The following SGCZ variants were observed in gnomAD, a reference collection of about 807,000 sequenced individuals.
SGCZ encodes sarcoglycan zeta, also known as zeta-sarcoglycan.
SGCZ carries 40 observed loss-of-function variants against 41.3 expected under a neutral mutation model. The observed-to-expected ratio is 0.97, with a 90% confidence interval of 0.75 to 1.26. SGCZ has a LOEUF of 1.26. SGCZ is among the 50% of genes most tolerant of loss of function. The pLI is 0.00. For missense variants in SGCZ, 552 were observed against 369.8 expected (o/e 1.49, Z -4.04); for synonymous variants, 206 against 137.5 (o/e 1.50, Z -3.49).
chr8:15,213,634 A>C (rs1013061265), intron 1 of SGCZ, among the ~76,000 whole-genome samples: 2 of 151,938 alleles, frequency 1.3e-5, no homozygotes, highest in East Asian at 3.9e-4. Context: ...TAGATTTATA[A>C]ATTTAATGAA....
intron 2 of SGCZ, among the ~76,000 whole-genome samples, chr8:14,475,865 T>A (rs945983963): frequency 6.6e-6 from 1 of 152,318 alleles, no homozygotes; most frequent in Non-Finnish European, 1.5e-5. Flanking sequence ...AGACAGGGTC[T>A]GTCTGTGTCA....
At chr8:14,435,993 G>C (rs1276906902) in intron 2 of SGCZ, among the ~76,000 whole-genome samples, 1 of 152,072 alleles carries the variant, frequency 6.6e-6, no homozygotes, top group Admixed American at 6.6e-5. Flanking sequence ...GCTAGGTATG[G>C]GGAAACATAA....
chr8:15,061,537 A>AAG (rs1554548949), intron 1 of SGCZ, among the ~76,000 whole-genome samples: 1 of 151,602 alleles, frequency 6.6e-6, no homozygotes, highest in Non-Finnish European at 1.5e-5. Context: ...ATATAAAAAA[A>AAG]AAAAACAGGA....
chr8:14,352,544 G>A (rs1464759823), intron 2 of SGCZ, among the ~76,000 whole-genome samples: 3 of 152,074 alleles, frequency 2.0e-5, no homozygotes, highest in Non-Finnish European at 4.4e-5. Flanking sequence ...AATATTACCA[G>A]GTGCAAAAGA....
intron 1 of SGCZ, chr8:14,853,436 T>A (rs1228394386): frequency 1.9e-6 from 1 of 532,192 alleles, no homozygotes; most frequent in Non-Finnish European, 3.9e-6. Flanking sequence ...CTAGGACACT[T>A]GCTCTTTCTG....
At chr8:15,001,511 C>G (rs111977207) in intron 1 of SGCZ, among the ~76,000 whole-genome samples, 96 of 152,092 alleles carry the variant, frequency 6.3e-4, no homozygotes, top group African/African-American at 2.1e-3. Flanking sequence ...GGGCGGATCA[C>G]GAGGTCAGGA....
intron 1 of SGCZ, among the ~76,000 whole-genome samples, chr8:14,926,328 C>G (rs1799748944): frequency 6.6e-6 from 1 of 152,076 alleles, no homozygotes; most frequent in Non-Finnish European, 1.5e-5. Flanking sequence ...ATTGTTATAT[C>G]TAATCTAGGT....
chr8:14,721,576 T>C (rs946672894), intron 1 of SGCZ, among the ~76,000 whole-genome samples: 2 of 152,108 alleles, frequency 1.3e-5, no homozygotes, highest in East Asian at 3.9e-4. Context: ...TCCGTCTACT[T>C]CTCACCACCT....
At chr8:14,569,390 A>C (rs1804481569) in intron 1 of SGCZ, among the ~76,000 whole-genome samples, 1 of 152,216 alleles carries the variant, frequency 6.6e-6, no homozygotes, top group Non-Finnish European at 1.5e-5. Flanking sequence ...TTATACCAAA[A>C]TAATTTTACA....
At chr8:14,186,796 G>A (rs960884261) in intron 4 of SGCZ, among the ~76,000 whole-genome samples, 6 of 152,178 alleles carry the variant, frequency 3.9e-5, no homozygotes, top group Admixed American at 1.3e-4. Context: ...GTAATTAAAA[G>A]GAGACCAAAA....
intron 1 of SGCZ, among the ~76,000 whole-genome samples, chr8:14,717,314 C>T (rs1424144307): frequency 6.6e-6 from 1 of 152,056 alleles, no homozygotes; most frequent in South Asian, 2.1e-4. Context: ...TGTTAAGGTA[C>T]AATACCAGGA....
intron 1 of SGCZ, among the ~76,000 whole-genome samples, chr8:14,917,244 T>G (rs924819941): frequency 2.0e-5 from 3 of 152,148 alleles, no homozygotes; most frequent in African/African-American, 7.2e-5. Flanking sequence ...TACAGTGTTC[T>G]ATGGACAATA....
intron 1 of SGCZ, among the ~76,000 whole-genome samples, chr8:14,707,434 A>G (rs1028045415): frequency 6.6e-6 from 1 of 152,156 alleles, no homozygotes; most frequent in Non-Finnish European, 1.5e-5. Context: ...CAAAACAAGG[A>G]GAAAGAATAG....
intron 1 of SGCZ, among the ~76,000 whole-genome samples, chr8:15,205,514 T>G (rs989092398): frequency 6.6e-6 from 1 of 152,034 alleles, no homozygotes; most frequent in East Asian, 1.9e-4. Flanking sequence ...AGCTCATTAT[T>G]ACTGAGAATT....
At chr8:15,039,485 G>C (rs1298148230) in intron 1 of SGCZ, among the ~76,000 whole-genome samples, 2 of 152,124 alleles carry the variant, frequency 1.3e-5, no homozygotes, top group Non-Finnish European at 2.9e-5. Context: ...GGGTGGGGTT[G>C]GGAAAATCAA....
intron 7 of SGCZ, among the ~76,000 whole-genome samples, chr8:14,096,884 A>G (rs1223506152): frequency 6.6e-6 from 1 of 152,034 alleles, no homozygotes; most frequent in Admixed American, 6.6e-5. Flanking sequence ...TTTCTAATTT[A>G]TTTGTTTAGA....
chr8:14,760,420 T>C (rs1216476293), intron 1 of SGCZ, among the ~76,000 whole-genome samples: 1 of 152,234 alleles, frequency 6.6e-6, no homozygotes, highest in Non-Finnish European at 1.5e-5. Flanking sequence ...GTATCCACCC[T>C]CTTTGTACAG....
intron 1 of SGCZ, among the ~76,000 whole-genome samples, chr8:15,046,458 A>T (rs1804303967): frequency 6.6e-6 from 1 of 151,956 alleles, no homozygotes; most frequent in Non-Finnish European, 1.5e-5. Flanking sequence ...AGTATTATTT[A>T]TCTTGATGCT....
rs1175972642 is a variant in SGCZ at position 14,669,377 on chromosome 8, GTAAGTAAGTAAA to G, written c.40-114463_40-114452del. Among the ~76,000 whole-genome samples, 348 of 103,454 alleles carry G rather than the reference GTAAGTAAGTAAA, an allele frequency of 3.4e-3. 2 individuals are homozygous for G. The highest frequency in any genetic ancestry group is 0.017 in the African/African-American group (333 of 19,532). The allele number at this position is 103,454 out of a possible 152,430, so 67.9% of individuals were successfully genotyped here. ...TGTCTCTAAGTAAGTAAGTAAGTAA[GTAAGTAAGTAAA>G]TAAATAAATAAATAAATAAATAGGG... On this transcript the variant is annotated intron_variant, in intron 1 of 7. Transcript: ENST00000382080.
Sources: gnomAD v4.1 joint callset for allele counts (sites outside exome capture counted in the v4.1 genomes callset) on GRCh38, gnomAD v4.1.1 for gene constraint, MANE v1.5 for transcripts, NCBI Gene and HGNC (gene_info 2026-07-23, HGNC 2026-07-21) for gene names.